TG: variants seen among roughly 807,000 people sequenced by gnomAD.
The protein encoded by TG is thyroglobulin.
A neutral mutation model predicts 324.7 loss-of-function variants in TG; 270 were observed. That is an observed-to-expected ratio of 0.83 (90% CI 0.75 to 0.92). The LOEUF is 0.92. TG is among the 40% of genes least tolerant of loss of function. TG has a pLI of 0.00. For synonymous variants in TG, 1,401 were observed against 1,327.0 expected (o/e 1.06, Z -1.21); for missense variants, 3,591 against 3,456.4 (o/e 1.04, Z -0.98).
chr8:132,982,476 T>G (rs953446078), intron 34 of TG, among the ~76,000 whole-genome samples: 1 of 152,210 alleles, frequency 6.6e-6, no homozygotes, highest in Admixed American at 6.5e-5. Context: ...GGTTCTTCAT[T>G]TAATGTTTAC....
chr8:132,884,000 G>C (rs1200960282), intron 8 of TG, among the ~76,000 whole-genome samples: 1 of 152,258 alleles, frequency 6.6e-6, no homozygotes, highest in Middle Eastern at 3.4e-3. Flanking sequence ...AGCAATCTGT[G>C]CATTCTTTGG....
chr8:132,897,423 ATAT>A (rs1442328333), intron 11 of TG, among the ~76,000 whole-genome samples: 1 of 152,208 alleles, frequency 6.6e-6, no homozygotes, highest in East Asian at 1.9e-4. Flanking sequence ...GTCTACTATA[ATAT>A]TCTTTCAAGC....
At chr8:133,026,508 C>A (rs1485137899) in intron 40 of TG, among the ~76,000 whole-genome samples, 2 of 152,202 alleles carry the variant, frequency 1.3e-5, no homozygotes, top group Non-Finnish European at 2.9e-5. Flanking sequence ...GGGCATCTGG[C>A]ACCAAGTTGT....
chr8:133,060,183 G>C, intron 41 of TG: 1 of 1,612,736 alleles, frequency 6.2e-7, no homozygotes, highest in Non-Finnish European at 8.5e-7. Flanking sequence ...CCCTGGGGCC[G>C]CTGGTGATGC....
At chr8:132,949,520 A>G (rs1333158834) in intron 27 of TG, among the ~76,000 whole-genome samples, 1 of 152,206 alleles carries the variant, frequency 6.6e-6, no homozygotes. Context: ...AGAAGGATGG[A>G]AAACTGGAGC....
intron 27 of TG, among the ~76,000 whole-genome samples, chr8:132,953,772 A>C (rs1011644792): frequency 1.3e-5 from 2 of 152,200 alleles, no homozygotes; most frequent in Non-Finnish European, 2.9e-5. Flanking sequence ...TGTTCTCCAG[A>C]GAGAAATCCA....
chr8:132,938,074 CA>C (rs2129817268), intron 25 of TG, among the ~76,000 whole-genome samples: 1 of 152,234 alleles, frequency 6.6e-6, no homozygotes, highest in Non-Finnish European at 1.5e-5. Context: ...TGATCAGGAA[CA>C]ACTTCTTTAT....
Position 132,969,533 on chromosome 8 carries a change from A to G in TG, c.5939A>G (p.Asn1980Ser), listed in dbSNP as rs1044608747. 3 of 1,613,844 alleles carry G rather than the reference A, an allele frequency of 1.9e-6. No individual in the cohort carries two copies. In the African/African-American group the frequency reaches 4.0e-5, roughly 22 times the overall value. The change falls in exon 32 of 48, where the codon AAT becomes AGT. Residue 1980 changes from asparagine to serine, a missense_variant. By Grantham distance (46) the Asn-to-Ser change is conservative. Transcript: ENST00000220616. ...AAACTGATGGGGATATCCATTAGAA[A>G]TAAAGTGCCCATGTCTGAAAAATCT... ...FQKLMGISIRNKVPMSEKSIS... is the reference protein window; with the variant it reads ...FQKLMGISIRSKVPMSEKSIS...
At chr8:132,952,407 C>T (rs16904793) in intron 27 of TG, among the ~76,000 whole-genome samples, 10,151 of 152,182 alleles carry the variant, frequency 0.067, 1,051 homozygotes, top group African/African-American at 0.22. Flanking sequence ...GTGCAATGGG[C>T]GCATTCGTTC....
chr8:133,052,067 A>C (rs531389291), intron 41 of TG, among the ~76,000 whole-genome samples: 40 of 152,256 alleles, frequency 2.6e-4, no homozygotes, highest in Non-Finnish European at 5.1e-4. Flanking sequence ...AAATCCCAGT[A>C]CTCAGGCATG....
At chr8:133,065,337 G>A (rs978501108) in intron 41 of TG, among the ~76,000 whole-genome samples, 1 of 152,246 alleles carries the variant, frequency 6.6e-6, no homozygotes, top group East Asian at 1.9e-4. Context: ...AGCTAAAGCT[G>A]GGATTCCAGC....
At chr8:132,904,277 G>A (rs1587336761) in intron 16 of TG, among the ~76,000 whole-genome samples, 1 of 152,232 alleles carries the variant, frequency 6.6e-6, no homozygotes, top group South Asian at 2.1e-4. Flanking sequence ...AAGATGGCAG[G>A]TGTGAGCGAG....
chr8:133,012,846 A>G lies in TG; in HGVS notation c.6398-754A>G, dbSNP rs1331606316. On this transcript the variant is annotated intron_variant, in intron 36 of 47. Coordinates refer to ENST00000220616, the MANE Select transcript of TG (RefSeq NM_003235.5). ...TCTTAGGCTGTCAACAACCTGATCAATAAAATGAAGCAGCACTTTTTCAGA... is the reference window on the plus strand; with the variant it reads ...TCTTAGGCTGTCAACAACCTGATCAGTAAAATGAAGCAGCACTTTTTCAGA... Among the ~76,000 whole-genome samples the G allele has an allele frequency of 2.6e-5, 4 of 152,378 alleles. No homozygotes were observed. In the East Asian group the frequency reaches 7.7e-4, roughly 29 times the overall value.
chr8:133,080,899 G>A (rs1024433551), intron 41 of TG, among the ~76,000 whole-genome samples: 12 of 152,190 alleles, frequency 7.9e-5, no homozygotes, highest in African/African-American at 2.4e-4. Flanking sequence ...CTTCCTAGAT[G>A]CCTCTCAACC....
At chr8:133,086,936 T>C (rs1054477153) in intron 41 of TG, among the ~76,000 whole-genome samples, 2 of 152,178 alleles carry the variant, frequency 1.3e-5, no homozygotes, top group Non-Finnish European at 2.9e-5. Context: ...ATCCTAAATG[T>C]AATTAGCATG....
At chr8:132,997,822 T>C (rs948003925) in intron 35 of TG, among the ~76,000 whole-genome samples, 16 of 152,210 alleles carry the variant, frequency 1.1e-4, no homozygotes, top group Admixed American at 4.6e-4. Flanking sequence ...GTTTAGGTCA[T>C]AGATTACTTG....
chr8:133,050,908 A>T lies in TG; in HGVS notation c.7239+20885A>T, dbSNP rs756605930. 3.7e-6 allele frequency: 6 copies of T among 1,611,228 alleles called. No individual in the cohort carries two copies. The East Asian group carries it at 1.1e-4, about 30-fold the overall frequency. ...CACTTAGCACGGCAAGGAAGTCGCT[A>T]TCCAGTCCTGGGGAAACAAAGGCAA... On this transcript the variant is annotated intron_variant, in intron 41 of 47. Coordinates refer to ENST00000220616, the MANE Select transcript of TG (RefSeq NM_003235.5).
chr8:133,085,317 C>T lies in TG; in HGVS notation c.7240-9727C>T, dbSNP rs1486167876. The stretch of plus-strand genomic sequence containing the variant: ...AGGCAAGCATTTCTTAGATAAGACA[C>T]CAAACCTCAGGCAGCAAAAGAAAAA... On this transcript the variant is annotated intron_variant, in intron 41 of 47. Coordinates refer to ENST00000220616, the MANE Select transcript of TG (RefSeq NM_003235.5). Among the ~76,000 whole-genome samples the T allele has an allele frequency of 2.6e-5, 4 of 152,160 alleles. No homozygotes were observed. The East Asian group carries it at 7.7e-4, about 29-fold the overall frequency.
At chr8:132,939,405 A>G (rs748503562) in intron 25 of TG, among the ~76,000 whole-genome samples, 3 of 152,206 alleles carry the variant, frequency 2.0e-5, no homozygotes, top group Non-Finnish European at 4.4e-5. Context: ...TAGAGGGTTT[A>G]GTACAGGCAC....
Sources: gnomAD v4.1 joint callset for allele counts (sites outside exome capture counted in the v4.1 genomes callset) on GRCh38, gnomAD v4.1.1 for gene constraint, MANE v1.5 for transcripts, NCBI Gene and HGNC (gene_info 2026-07-23, HGNC 2026-07-21) for gene names.